HSPA12A: variants seen among roughly 807,000 people sequenced by gnomAD.
HSPA12A encodes heat shock protein family A (Hsp70) member 12A, also known as heat shock 70 kDa protein 12A.
A neutral mutation model predicts 69.2 loss-of-function variants in HSPA12A; 28 were observed. The observed-to-expected ratio is 0.40, with a 90% CI of 0.30 to 0.55. HSPA12A has a LOEUF of 0.55. Ranked by LOEUF, HSPA12A falls within the 20% of genes least tolerant of loss-of-function variation. The probability of loss-of-function intolerance (pLI) is 0.38; values close to 1 mark genes in which losing one functional copy is unlikely to be tolerated. For synonymous variants in HSPA12A, 345 were observed against 370.5 expected, an observed-to-expected ratio of 0.93 and a Z score of 0.79; for missense variants, 686 against 900.7, an observed-to-expected ratio of 0.76 and a Z score of 3.05.
chr10:116,725,096 T>C (rs1850910575), intron 1 of HSPA12A, among the ~76,000 whole-genome samples: 2 of 152,170 alleles, frequency 1.3e-5, no homozygotes. Context: ...GTTCCCACAA[T>C]ACCACTTTGC....
intron 2 of HSPA12A, among the ~76,000 whole-genome samples, chr10:116,747,681 T>C (rs1851679390): frequency 6.6e-6 from 1 of 152,136 alleles, no homozygotes; most frequent in African/African-American, 2.4e-5. Flanking sequence ...TGTTTGTGGA[T>C]GGAATGAATA....
intron 1 of HSPA12A, among the ~76,000 whole-genome samples, chr10:116,726,897 A>G (rs906487358): frequency 6.6e-6 from 1 of 152,180 alleles, no homozygotes; most frequent in Admixed American, 6.5e-5. Context: ...CGTGCCGATG[A>G]CGGATGAAGA....
At chr10:116,798,473 G>A (rs1844882511) in intron 2 of HSPA12A, among the ~76,000 whole-genome samples, 1 of 152,186 alleles carries the variant, frequency 6.6e-6, no homozygotes, top group African/African-American at 2.4e-5. Flanking sequence ...CATTAGCAAT[G>A]TTCAAGTGAG....
rs184984944 is a variant in HSPA12A at position 116,694,498 on chromosome 10, C to G, written c.547-2031G>C. ...GCTGAGCTGAGGAATTCACAAACAA[C>G]CACCCACATGGCCACTTGACCTTCT... is the stretch of plus-strand genomic sequence containing the variant. On this transcript the variant is annotated intron_variant, in intron 5 of 11. Coordinates refer to ENST00000369209, the MANE Select transcript of HSPA12A (RefSeq NM_025015.3). Among the ~76,000 whole-genome samples the G allele has an allele frequency of 2.2e-3, 333 of 152,330 alleles. 3 individuals carry two copies. The highest frequency in any genetic ancestry group is 7.7e-3 in the African/African-American group (319 of 41,570).
At chr10:116,761,166 A>G (rs1554889234) in intron 2 of HSPA12A, among the ~76,000 whole-genome samples, 1 of 152,188 alleles carries the variant, frequency 6.6e-6, no homozygotes, top group Non-Finnish European at 1.5e-5. Context: ...CCTGGCCAAC[A>G]TGGTGAAACT....
chr10:116,833,443 C>T (rs1297408296), intron 2 of HSPA12A: 1 of 152,122 alleles, frequency 6.6e-6, no homozygotes, highest in Non-Finnish European at 1.5e-5. Context: ...ATAATCATGC[C>T]AACCCATAAT....
intron 1 of HSPA12A, among the ~76,000 whole-genome samples, chr10:116,848,099 T>C (rs1174661403): frequency 6.6e-6 from 1 of 152,226 alleles, no homozygotes; most frequent in East Asian, 1.9e-4. Context: ...TGTCAGCTTA[T>C]TTTGCATAAG....
intron 1 of HSPA12A, among the ~76,000 whole-genome samples, chr10:116,712,821 G>A (rs1218407564): frequency 6.6e-6 from 1 of 151,556 alleles, no homozygotes; most frequent in Non-Finnish European, 1.5e-5. Context: ...AAGGTTCTAG[G>A]CTCCGAGGAA....
chr10:116,677,187 A>C (rs138728722), intron 10 of HSPA12A, among the ~76,000 whole-genome samples: 1 of 152,298 alleles, frequency 6.6e-6, no homozygotes, highest in Non-Finnish European at 1.5e-5. Flanking sequence ...TGTAAAGACG[A>C]AGTTAAATAC....
intron 10 of HSPA12A, among the ~76,000 whole-genome samples, chr10:116,677,609 T>C (rs1234146542): frequency 2.0e-5 from 3 of 152,228 alleles, no homozygotes; most frequent in African/African-American, 7.2e-5. Flanking sequence ...AGACTGGCCC[T>C]GCTCCAAGGG....
chr10:116,703,862 G>C (rs963869224), intron 3 of HSPA12A, among the ~76,000 whole-genome samples: 2 of 152,222 alleles, frequency 1.3e-5, no homozygotes, highest in African/African-American at 4.8e-5. Flanking sequence ...TTTGCCTATG[G>C]GGCCACTTGG....
intron 2 of HSPA12A, among the ~76,000 whole-genome samples, chr10:116,770,070 G>T (rs1844167076): frequency 6.6e-6 from 1 of 152,188 alleles, no homozygotes; most frequent in Admixed American, 6.5e-5. Flanking sequence ...TTGTCCTTGG[G>T]GCAGGGTGCT....
chr10:116,714,552 C>T (rs1415451613), intron 1 of HSPA12A, among the ~76,000 whole-genome samples: 7 of 152,196 alleles, frequency 4.6e-5, no homozygotes, highest in Non-Finnish European at 1.0e-4. Context: ...GGCCTGCCCC[C>T]TCCCCCAGAC....
intron 11 of HSPA12A, 59 bp downstream of exon 11, chr10:116,676,340 A>G (rs1849233897): frequency 7.2e-7 from 1 of 1,390,234 alleles, no homozygotes; most frequent in East Asian, 2.3e-5. Flanking sequence ...GATGCTGGGA[A>G]AGCCCATCCC....
intron 2 of HSPA12A, among the ~76,000 whole-genome samples, chr10:116,706,625 C>A (rs1413046923): frequency 6.6e-6 from 1 of 152,126 alleles, no homozygotes; most frequent in South Asian, 2.1e-4. Context: ...TACGTGCACA[C>A]CCCTCTAAAC....
intron 2 of HSPA12A, among the ~76,000 whole-genome samples, chr10:116,799,977 C>T (rs1483257553): frequency 2.0e-5 from 3 of 152,154 alleles, no homozygotes; most frequent in South Asian, 2.1e-4. Flanking sequence ...GAAGGATTTT[C>T]GTCGCCATGG....
chr10:116,823,636 C>T (rs1400573483), intron 2 of HSPA12A, among the ~76,000 whole-genome samples: 7 of 152,114 alleles, frequency 4.6e-5, no homozygotes, highest in South Asian at 4.1e-4. Context: ...GGGGTGAAGA[C>T]AATTTAGTGG....
intron 2 of HSPA12A, among the ~76,000 whole-genome samples, chr10:116,815,941 G>C (rs1000233661): frequency 6.6e-6 from 1 of 152,184 alleles, no homozygotes; most frequent in Admixed American, 6.5e-5. Context: ...GGAAGGAGCC[G>C]GGCTGTGGAT....
At chr10:116,711,208 T>C (rs1372071838) in intron 1 of HSPA12A, among the ~76,000 whole-genome samples, 1 of 152,148 alleles carries the variant, frequency 6.6e-6, no homozygotes, top group African/African-American at 2.4e-5. Context: ...CCTCCACTGC[T>C]TCTATAAAGC....
Sources: gnomAD v4.1 joint callset for allele counts (sites outside exome capture counted in the v4.1 genomes callset) on GRCh38, gnomAD v4.1.1 for gene constraint, MANE v1.5 for transcripts, NCBI Gene and HGNC (gene_info 2026-07-23, HGNC 2026-07-21) for gene names.